CPEB2: variants seen among roughly 807,000 people sequenced by gnomAD.
CPEB2 encodes cytoplasmic polyadenylation element-binding protein 2.
In CPEB2, 56 loss-of-function variants were observed where a neutral mutation model predicts 93.6. The ratio of observed to expected loss-of-function variants is 0.60; its 90% CI spans 0.48 to 0.75. The LOEUF is 0.75. Among genes scored for constraint, CPEB2 ranks in the 30% least tolerant of loss-of-function variants. The probability of loss-of-function intolerance (pLI) is 0.00; values close to 1 mark genes in which losing one functional copy is unlikely to be tolerated. For synonymous variants in CPEB2, 764 were observed against 586.3 expected (o/e 1.30, Z -4.38); for missense variants, 1,579 against 1,395.1 (o/e 1.13, Z -2.10).
intron 7 of CPEB2, 65 bp downstream of exon 7, chr4:15,052,649 T>C: frequency 8.9e-7 from 1 of 1,119,100 alleles, no homozygotes; most frequent in Admixed American, 2.8e-5. Flanking sequence ...AGATATGAAA[T>C]TTAATGTGAA....
Position 15,068,420 on chromosome 4 carries a change from C to T in CPEB2, c.*2040C>T, listed in dbSNP as rs1036796745. 6.6e-6 allele frequency: 1 copy of T among 152,238 alleles called. No homozygotes were observed. The highest frequency in any genetic ancestry group is 2.4e-5 in the African/African-American group (1 of 41,376). 9.4% of individuals were successfully genotyped at this position (152,238 alleles called of 1,614,324 possible). ...GGAGTATTCTTTTCTAACCTTAACC[C>T]TGCCAAACCTTGATCCATTTTGACA... On this transcript the variant is annotated 3_prime_UTR_variant, in exon 12 of 12. Coordinates refer to ENST00000538197, the MANE Select transcript of CPEB2 (RefSeq NM_001177382.2).
chr4:15,036,305 C>T (rs1726605339), intron 5 of CPEB2, among the ~76,000 whole-genome samples: 1 of 152,022 alleles, frequency 6.6e-6, no homozygotes, highest in South Asian at 2.1e-4. Context: ...CCATATTCCC[C>T]AAATTAAGTT....
chr4:15,035,197 A>C (rs1004611935), intron 5 of CPEB2, among the ~76,000 whole-genome samples: 3 of 147,762 alleles, frequency 2.0e-5, no homozygotes, highest in African/African-American at 7.3e-5. Flanking sequence ...TAAATTTTGC[A>C]TCAGTCTTTT....
intron 4 of CPEB2, among the ~76,000 whole-genome samples, chr4:15,025,014 G>A (rs544613411): frequency 4.6e-5 from 7 of 151,906 alleles, no homozygotes; most frequent in Admixed American, 1.3e-4. Flanking sequence ...CAAAGTGCTG[G>A]GATTACAGGC....
intron 4 of CPEB2, among the ~76,000 whole-genome samples, chr4:15,020,508 T>C (rs947028872): frequency 9.9e-5 from 15 of 152,154 alleles, no homozygotes; most frequent in African/African-American, 2.7e-4. Context: ...TCCTTGTTTA[T>C]GCCCAAAACA....
intron 1 of CPEB2, chr4:15,005,025 G>T (rs974973177): frequency 6.6e-6 from 1 of 152,258 alleles, no homozygotes; most frequent in South Asian, 2.1e-4. Context: ...CGCTCCCAAA[G>T]CTCCGCCCGA....
rs142498305 is a variant in CPEB2 at position 15,054,239 on chromosome 4, A to G, written c.2461+22A>G. 163 of 1,557,376 alleles carry G rather than the reference A, an allele frequency of 1.0e-4. No individual in the cohort carries two copies. The African/African-American group carries it at 2.0e-3, about 19-fold the overall frequency. ...AAAGGTAAGGATTGTTATTGTTAATATTTGCTAGGAAATTGGTTGTATGAG... is the reference window on the plus strand; with the variant it reads ...AAAGGTAAGGATTGTTATTGTTAATGTTTGCTAGGAAATTGGTTGTATGAG... On this transcript the variant is annotated intron_variant, in intron 8 of 11. Coordinates refer to ENST00000538197, the MANE Select transcript of CPEB2 (RefSeq NM_001177382.2).
chr4:15,064,444 C>A (rs1340860080), intron 11 of CPEB2, among the ~76,000 whole-genome samples: 1 of 151,854 alleles, frequency 6.6e-6, no homozygotes, highest in African/African-American at 2.4e-5. Flanking sequence ...TAATTGAAAT[C>A]ATTGCATTTG....
intron 1 of CPEB2, among the ~76,000 whole-genome samples, chr4:15,006,117 A>AG (rs1316851665): frequency 2.0e-5 from 3 of 152,190 alleles, no homozygotes; most frequent in Non-Finnish European, 2.9e-5. Context: ...TAATAAGGAG[A>AG]GTAAGGCCCT....
chr4:15,003,433 C>G lies in CPEB2; in HGVS notation c.760C>G (p.Arg254Gly). 7.4e-7 allele frequency: 1 copy of G among 1,356,174 alleles called. No homozygotes were observed. The highest frequency in any genetic ancestry group is 1.5e-5 in the African/African-American group (1 of 65,058). The allele number at this position is 1,356,174 out of a possible 1,614,324, so 84.0% of individuals were successfully genotyped here. The part of the protein sequence containing the change: ...LSPQDFAPRQ[R>G]PADLPPLPQL... Reference sequence around the variant, plus strand: ...GCCGCAGGACTTCGCCCCGCGGCAGCGTCCGGCAGACCTGCCCCCGCTCCC... The same window carrying G: ...GCCGCAGGACTTCGCCCCGCGGCAGGGTCCGGCAGACCTGCCCCCGCTCCC... The change falls in exon 1 of 12, where the codon CGT becomes GGT. Residue 254 changes from arginine (R) to glycine (G), a missense_variant. Transcript: ENST00000538197.
At chr4:15,037,734 G>A (rs976068979) in intron 5 of CPEB2, among the ~76,000 whole-genome samples, 2 of 151,966 alleles carry the variant, frequency 1.3e-5, no homozygotes, top group Non-Finnish European at 2.9e-5. Flanking sequence ...CACATCAACA[G>A]GTATGTTAAA....
chr4:15,062,385 G>A (rs1729272760), intron 11 of CPEB2, 125 bp downstream of exon 11: 3 of 565,668 alleles, frequency 5.3e-6, no homozygotes, highest in South Asian at 5.6e-5. Flanking sequence ...AGTCTTAAAG[G>A]ATATTATATA....
intron 8 of CPEB2, 34 bp downstream of exon 8, chr4:15,054,251 A>G: frequency 4.7e-6 from 7 of 1,494,244 alleles, no homozygotes; most frequent in Non-Finnish European, 6.5e-6. Flanking sequence ...TTGCTAGGAA[A>G]TTGGTTGTAT....
chr4:15,057,892 C>A (rs369739642), intron 8 of CPEB2, among the ~76,000 whole-genome samples: 4 of 152,064 alleles, frequency 2.6e-5, no homozygotes, highest in East Asian at 3.9e-4. Flanking sequence ...AGGGGATTTC[C>A]TGGACCTTTC....
intron 5 of CPEB2, among the ~76,000 whole-genome samples, chr4:15,035,821 G>A (rs1325747653): frequency 6.6e-6 from 1 of 152,128 alleles, no homozygotes; most frequent in Admixed American, 6.6e-5. Context: ...GATGTACACA[G>A]ATACACATTA....
chr4:15,043,411 T>C (rs969838756), intron 6 of CPEB2, among the ~76,000 whole-genome samples: 4 of 152,188 alleles, frequency 2.6e-5, no homozygotes, highest in Non-Finnish European at 5.9e-5. Context: ...AGTTCTACTT[T>C]AGAGCTGCCT....
At chr4:15,018,936 T>TTATATATATATATATATA (rs56945294) in intron 4 of CPEB2, among the ~76,000 whole-genome samples, 17 of 133,128 alleles carry the variant, frequency 1.3e-4, no homozygotes, top group African/African-American at 2.2e-4. Flanking sequence ...AAGGGGAATT[T>TTATATATATATATATATA]TATATATATA....
intron 11 of CPEB2, chr4:15,063,735 T>C (rs1350866856): frequency 6.6e-6 from 1 of 152,058 alleles, no homozygotes; most frequent in Non-Finnish European, 1.5e-5. Flanking sequence ...TCTGAAATTA[T>C]AGTGAAGGAC....
At chr4:15,031,920 G>A (rs771606837) in intron 4 of CPEB2, among the ~76,000 whole-genome samples, 16 of 152,014 alleles carry the variant, frequency 1.1e-4, no homozygotes, top group Non-Finnish European at 1.2e-4. Flanking sequence ...GGTGGTAAAG[G>A]TAGATGCAGT....
Sources: gnomAD v4.1 joint callset for allele counts (sites outside exome capture counted in the v4.1 genomes callset) on GRCh38, gnomAD v4.1.1 for gene constraint, MANE v1.5 for transcripts, NCBI Gene and HGNC (gene_info 2026-07-23, HGNC 2026-07-21) for gene names.